The following ZFHX3 variants were observed in gnomAD, a reference collection of about 807,000 sequenced individuals.
ZFHX3 encodes zinc finger homeobox 3, also known as zinc finger homeobox protein 3.
In ZFHX3, 42 loss-of-function variants were observed where a neutral mutation model predicts 279.1. The ratio of observed to expected loss-of-function variants is 0.15; its 90% CI spans 0.12 to 0.19. ZFHX3 has a LOEUF of 0.19. ZFHX3 is among the 10% of genes least tolerant of loss of function. The pLI is 1.00. For missense variants in ZFHX3, 4,981 were observed against 4,754.0 expected (o/e 1.05, Z -1.40); for synonymous variants, 2,293 against 1,957.8 (o/e 1.17, Z -4.52).
intron 3 of ZFHX3, among the ~76,000 whole-genome samples, chr16:73,331,608 GT>G (rs2015806523): frequency 6.6e-6 from 1 of 152,182 alleles, no homozygotes; most frequent in Non-Finnish European, 1.5e-5. Context: ...GTTAAGAGGA[GT>G]AACTCATTCG....
chr16:73,557,086 C>T (rs1038375533), intron 2 of ZFHX3, among the ~76,000 whole-genome samples: 2 of 118,960 alleles, frequency 1.7e-5, no homozygotes, highest in Non-Finnish European at 3.4e-5. Flanking sequence ...CAGAGCAAGA[C>T]TCCGTCTCAA....
intron 5 of ZFHX3, among the ~76,000 whole-genome samples, chr16:73,251,294 C>G (rs551002106): frequency 9.9e-5 from 15 of 152,160 alleles, no homozygotes; most frequent in Non-Finnish European, 1.9e-4. Flanking sequence ...TCTTGCTAAA[C>G]AGTGAATCAC....
At chr16:73,077,906 G>A (rs1965904982) in intron 8 of ZFHX3, among the ~76,000 whole-genome samples, 1 of 152,216 alleles carries the variant, frequency 6.6e-6, no homozygotes, top group South Asian at 2.1e-4. Flanking sequence ...CTGGGTTCAA[G>A]TGATTCTCCT....
chr16:73,848,865 C>T (rs1190753702), intron 1 of ZFHX3, among the ~76,000 whole-genome samples: 1 of 152,214 alleles, frequency 6.6e-6, no homozygotes, highest in Non-Finnish European at 1.5e-5. Context: ...CTCATACGTA[C>T]TTTCTGTCAT....
At chr16:73,142,280 G>A (rs1966849471) in intron 6 of ZFHX3, among the ~76,000 whole-genome samples, 1 of 152,170 alleles carries the variant, frequency 6.6e-6, no homozygotes, top group Non-Finnish European at 1.5e-5. Context: ...ATAAGTCCTT[G>A]TTAAAGGTCA....
intron 4 of ZFHX3, among the ~76,000 whole-genome samples, chr16:73,302,236 C>T (rs747743852): frequency 2.0e-5 from 3 of 151,728 alleles, no homozygotes; most frequent in South Asian, 4.2e-4. Context: ...ATCTTTTTCC[C>T]TTCCTCCCTT....
intron 9 of ZFHX3, chr16:72,789,538 C>T (rs924579713): frequency 6.6e-6 from 1 of 152,352 alleles, no homozygotes; most frequent in African/African-American, 2.4e-5. Flanking sequence ...GCTAGCACGG[C>T]CACATGAACA....
At chr16:73,556,972 G>A (rs2020294197) in intron 2 of ZFHX3, among the ~76,000 whole-genome samples, 1 of 151,628 alleles carries the variant, frequency 6.6e-6, no homozygotes, top group Non-Finnish European at 1.5e-5. Context: ...GTGGGCGCCT[G>A]TAGTCCCAGC....
At chr16:73,847,676 A>G (rs1278042623) in intron 1 of ZFHX3, among the ~76,000 whole-genome samples, 2 of 152,088 alleles carry the variant, frequency 1.3e-5, no homozygotes, top group Non-Finnish European at 2.9e-5. Context: ...GGAAGATTAA[A>G]TTTGACAATG....
chr16:73,873,961 GA>G (rs892666587), intron 1 of ZFHX3, among the ~76,000 whole-genome samples: 1 of 149,866 alleles, frequency 6.7e-6, no homozygotes, highest in Non-Finnish European at 1.5e-5. Flanking sequence ...GTCAGGAGAG[GA>G]AAAAAAAGTA....
intron 1 of ZFHX3, among the ~76,000 whole-genome samples, chr16:73,767,492 A>C (rs1488779175): frequency 6.6e-6 from 1 of 152,206 alleles, no homozygotes. Context: ...TTTATTTCTC[A>C]GTTTTCTTGA....
intron 5 of ZFHX3, among the ~76,000 whole-genome samples, chr16:73,226,658 A>T (rs542787993): frequency 6.6e-6 from 1 of 152,332 alleles, no homozygotes; most frequent in South Asian, 2.1e-4. Flanking sequence ...CAGTGTTCTT[A>T]CACTTGAACT....
At chr16:73,467,026 G>C (rs1320409478) in intron 2 of ZFHX3, among the ~76,000 whole-genome samples, 1 of 152,198 alleles carries the variant, frequency 6.6e-6, no homozygotes, top group Admixed American at 6.5e-5. Flanking sequence ...CTAAGGATGG[G>C]ACAAAGGGAG....
chr16:73,209,231 T>C lies in ZFHX3; in HGVS notation c.-1104+47816A>G, dbSNP rs60792830. On this transcript the variant is annotated intron_variant, in intron 5 of 17. Coordinates refer to the ZFHX3 transcript ENST00000641206. Reference sequence around the variant, plus strand: ...TTGCATGTTAATATAAGTAATATATTTCAGTGAAAATGATTGTATTTCCCA... The same window carrying C: ...TTGCATGTTAATATAAGTAATATATCTCAGTGAAAATGATTGTATTTCCCA... Among the ~76,000 whole-genome samples, 1,506 of 152,326 alleles carry C rather than the reference T, an allele frequency of 9.9e-3. 25 individuals carry two copies. The highest frequency in any genetic ancestry group is 0.034 in the African/African-American group (1,396 of 41,558).
intron 1 of ZFHX3, among the ~76,000 whole-genome samples, chr16:73,023,849 C>T (rs1964400390): frequency 6.6e-6 from 1 of 152,174 alleles, no homozygotes; most frequent in South Asian, 2.1e-4. Context: ...GTGGCTCCAT[C>T]CACGGCAACA....
intron 2 of ZFHX3, among the ~76,000 whole-genome samples, chr16:73,592,427 A>C (rs2052009123): frequency 6.6e-6 from 1 of 152,192 alleles, no homozygotes; most frequent in African/African-American, 2.4e-5. Flanking sequence ...ATGATGGTAC[A>C]TGAAGGTTCA....
chr16:73,198,894 T>C (rs552808453), intron 5 of ZFHX3, among the ~76,000 whole-genome samples: 1 of 152,326 alleles, frequency 6.6e-6, no homozygotes, highest in South Asian at 2.1e-4. Context: ...AAAAAATCAG[T>C]TCTGCCTTCT....
intron 2 of ZFHX3, among the ~76,000 whole-genome samples, chr16:73,593,228 A>G (rs1417160807): frequency 6.6e-6 from 1 of 152,194 alleles, no homozygotes; most frequent in Non-Finnish European, 1.5e-5. Context: ...TACTCAAACT[A>G]TTCTGAAGAA....
At chr16:73,809,743 G>C (rs1435901168) in intron 1 of ZFHX3, 1 of 152,020 alleles carries the variant, frequency 6.6e-6, no homozygotes, top group Non-Finnish European at 1.5e-5. Flanking sequence ...GGCAGTTTCT[G>C]TTTAGGCTCT....
Sources: gnomAD v4.1 joint callset for allele counts (sites outside exome capture counted in the v4.1 genomes callset) on GRCh38, gnomAD v4.1.1 for gene constraint, MANE v1.5 for transcripts, NCBI Gene and HGNC (gene_info 2026-07-23, HGNC 2026-07-21) for gene names.